The following SAP30 variants were observed in gnomAD, a reference collection of about 807,000 sequenced individuals.
SAP30 encodes the protein Sin3A associated protein 30.
Under a neutral mutation model 19.6 loss-of-function variants are expected in SAP30, and 13 were observed. That is an observed-to-expected ratio of 0.66 (90% CI 0.43 to 1.05). The LOEUF (loss-of-function observed/expected upper bound fraction) is 1.05. Ranked by LOEUF, SAP30 falls within the 50% of genes least tolerant of loss-of-function variation. The probability of loss-of-function intolerance (pLI) is 0.00; values close to 1 mark genes in which losing one functional copy is unlikely to be tolerated. For synonymous variants in SAP30, 108 were observed against 122.7 expected (o/e 0.88, Z 0.79); for missense variants, 257 against 292.1 (o/e 0.88, Z 0.88).
In SAP30 at chr4:173,377,293, A is replaced by T; in HGVS notation, c.629A>T (p.Lys210Ile). The T allele has an allele frequency of 1.2e-6, 2 of 1,608,794 alleles. No individual in the cohort carries two copies. Among genetic ancestry groups the T allele is most frequent in the Non-Finnish European group, 1.7e-6 (2 of 1,178,126 alleles). Residue 210 changes from lysine (K) to isoleucine (I), a missense_variant, in exon 4 of 4, where the codon AAA becomes ATA. By Grantham distance (102) the Lys-to-Ile change is moderately radical (BLOSUM62 -3). Transcript: ENST00000296504. ...FIYSVKNDKNKSDLKVDSGVH is the reference protein window; with the variant it reads ...FIYSVKNDKNISDLKVDSGVH ...TACTCAGTGAAGAATGACAAGAACA[A>T]ATCAGATCTCAAGGTTGATAGTGGT...
chr4:173,375,420 G>C (rs1739018306), intron 3 of SAP30, among the ~76,000 whole-genome samples: 1 of 152,072 alleles, frequency 6.6e-6, no homozygotes, highest in African/African-American at 2.4e-5. Context: ...AAAAGATCAA[G>C]TTCTTTTGGG....
Position 173,373,937 on chromosome 4 carries a change from A to C in SAP30, c.442-2A>C. Reference sequence around the variant, plus strand: ...TCATTTATACATGTTAATTTTTTCTAGGTTGATTTATACCAATTACAAGTA... The same window carrying C: ...TCATTTATACATGTTAATTTTTTCTCGGTTGATTTATACCAATTACAAGTA... On this transcript the variant is annotated splice_acceptor_variant, in intron 2 of 3. Transcript: ENST00000296504. LOFTEE classifies it high-confidence loss of function. 6.8e-7 allele frequency: 1 copy of C among 1,480,038 alleles called. No individual in the cohort carries two copies. Among genetic ancestry groups the C allele is most frequent in the Non-Finnish European group, 9.2e-7 (1 of 1,082,616 alleles). 91.7% of individuals were successfully genotyped at this position (1,480,038 alleles called of 1,614,324 possible). A position where few individuals can be genotyped will look rare whatever the true frequency, so the allele number is the denominator to read the frequency against.
At position 173,371,061 on chromosome 4, in the gene SAP30, G is replaced by A; in HGVS notation, c.-122G>A. On this transcript the variant is annotated 5_prime_UTR_variant, in exon 1 of 4. Transcript: ENST00000296504. This position sits in a 1 kb window ranked among gnomAD's most constrained non-coding sequence, Gnocchi z 6.4. The stretch of plus-strand genomic sequence containing the variant: ...GACCAGCAGGCCCGGGACAGTTGGT[G>A]TTTGGCCGTGCCGCTGTCTAACTTG... 1 of 1,184,806 alleles carries A rather than the reference G, an allele frequency of 8.4e-7. No individual in the cohort carries two copies. The highest frequency in any genetic ancestry group is 3.4e-5 in the Admixed American group (1 of 29,808). The allele number at this position is 1,184,806 out of a possible 1,614,324, so 73.4% of individuals were successfully genotyped here. A position where few individuals can be genotyped will look rare whatever the true frequency, so the allele number is the denominator to read the frequency against.
In SAP30 at chr4:173,371,238, TGGCCGCAGTGGTCGCTGCCGC is replaced by T; in HGVS notation, c.63_83del (p.Val22_Ala28del). On this transcript the variant is annotated inframe_deletion, in exon 1 of 4. Coordinates refer to ENST00000296504, the MANE Select transcript of SAP30 (RefSeq NM_003864.4). This position sits in a 1 kb window ranked among gnomAD's most constrained non-coding sequence, Gnocchi z 6.4. ...CGCGGCGGGGATGCGGCCGCCGCAGTGGCCGCAGTGGTCGCTGCCGCGGCCGCCGCCGCCTCGGCGGGGAAC... is the reference window on the plus strand; with the variant it reads ...CGCGGCGGGGATGCGGCCGCCGCAGTGGCCGCCGCCGCCTCGGCGGGGAAC... 1 of 1,356,884 alleles carries T rather than the reference TGGCCGCAGTGGTCGCTGCCGC, an allele frequency of 7.4e-7. No individual in the cohort carries two copies. 84.1% of individuals were successfully genotyped at this position (1,356,884 alleles called of 1,614,324 possible). A position where few individuals can be genotyped will look rare whatever the true frequency, so the allele number is the denominator to read the frequency against.
intron 3 of SAP30, among the ~76,000 whole-genome samples, chr4:173,375,113 C>T (rs1325346416): frequency 6.6e-6 from 1 of 151,150 alleles, no homozygotes; most frequent in Non-Finnish European, 1.5e-5. Context: ...GAGTTTGAGT[C>T]ACCATGGGCA....
chr4:173,374,694 TTAAC>T lies in SAP30; in HGVS notation c.540+658_540+661del, dbSNP rs369321216. Among the ~76,000 whole-genome samples, 277 of 152,322 alleles carry T rather than the reference TTAAC, an allele frequency of 1.8e-3. 1 individual carries two copies. The highest frequency in any genetic ancestry group is 6.4e-3 in the African/African-American group (266 of 41,580). On this transcript the variant is annotated intron_variant, in intron 3 of 3. Coordinates refer to ENST00000296504, the MANE Select transcript of SAP30 (RefSeq NM_003864.4). ...CCTAATTGAGGCATAATAAAATTAA[TTAAC>T]AAGCTTTAATGTCCTTATTAGAATT...
chr4:173,376,462 A>G (rs1405478537), intron 3 of SAP30, among the ~76,000 whole-genome samples: 1 of 152,212 alleles, frequency 6.6e-6, no homozygotes, highest in African/African-American at 2.4e-5. Context: ...AAAGTTTTCA[A>G]CTTCATACTT....
intron 3 of SAP30, among the ~76,000 whole-genome samples, chr4:173,375,199 G>A (rs1230935460): frequency 6.6e-6 from 1 of 151,786 alleles, no homozygotes. Context: ...ATATAAATCA[G>A]TTTTCTCATA....
At position 173,371,283 on chromosome 4, in the gene SAP30, A is replaced by ACGGGACCGGCGCGGGCAC; in HGVS notation, c.106_123dup (p.Thr36_Gly41dup). The ACGGGACCGGCGCGGGCAC allele has an allele frequency of 8.0e-7, 1 of 1,253,312 alleles. No individual in the cohort carries two copies. Among genetic ancestry groups the ACGGGACCGGCGCGGGCAC allele is most frequent in the Non-Finnish European group, 1.0e-6 (1 of 1,002,924 alleles). 77.6% of individuals were successfully genotyped at this position (1,253,312 alleles called of 1,614,324 possible). A position where few individuals can be genotyped will look rare whatever the true frequency, so the allele number is the denominator to read the frequency against. On this transcript the variant is annotated inframe_insertion, in exon 1 of 4. Transcript: ENST00000296504. The surrounding 1 kb of genome is among the most constrained non-coding windows in gnomAD (Gnocchi z 6.4). ...GCGGCCGCCGCCGCCTCGGCGGGGA[A>ACGGGACCGGCGCGGGCAC]CGGGACCGGCGCGGGCACCGGGGCT...
intron 2 of SAP30, 104 bp from the exon 3 acceptor site, chr4:173,373,835 G>A (rs1738992872): frequency 5.2e-6 from 2 of 383,072 alleles, no homozygotes. Context: ...GATTTTGGAA[G>A]TAAATTTTAT....
At position 173,371,374 on chromosome 4, in the gene SAP30, G is replaced by A. The variant is rs1451089264; in HGVS notation, c.192G>A (p.Gly64=). 1 of 1,544,088 alleles carries A rather than the reference G, an allele frequency of 6.5e-7. No homozygotes were observed. The highest frequency in any genetic ancestry group is 8.7e-7 in the Non-Finnish European group (1 of 1,155,398). ...GPPGAAGPGP[G]QLCCLREDGE... Reference sequence around the variant, plus strand: ...CGGGGGCGGCCGGGCCGGGCCCCGGGCAACTGTGCTGCCTGCGGGAGGATG... The same window carrying A: ...CGGGGGCGGCCGGGCCGGGCCCCGGACAACTGTGCTGCCTGCGGGAGGATG... The change falls in exon 1 of 4, where the codon GGG becomes GGA. Residue 64 remains glycine, a synonymous_variant. Coordinates refer to ENST00000296504, the MANE Select transcript of SAP30 (RefSeq NM_003864.4). The surrounding 1 kb of genome is among the most constrained non-coding windows in gnomAD (Gnocchi z 6.4).
chr4:173,376,167 A>G (rs543484174), intron 3 of SAP30, among the ~76,000 whole-genome samples: 1 of 152,290 alleles, frequency 6.6e-6, no homozygotes, highest in South Asian at 2.1e-4. Context: ...TTCTTAAGAA[A>G]TTTTATTTTC....
At chr4:173,373,255 A>C in intron 1 of SAP30, 135 bp from the exon 2 acceptor site, 5 of 678,336 alleles carry the variant, frequency 7.4e-6, no homozygotes, top group Non-Finnish European at 9.2e-6. Flanking sequence ...AAACGTATAA[A>C]TATTCCATTA....
Position 173,370,964 on chromosome 4 carries a change from G to A in SAP30, c.-219G>A. ...AAGTCCCCATGTGACAGTGAGCGGG[G>A]TCCCCGCTCCAGGAGACGCTCGAGT... On this transcript the variant is annotated 5_prime_UTR_variant, in exon 1 of 4. Coordinates refer to ENST00000296504, the MANE Select transcript of SAP30 (RefSeq NM_003864.4). The A allele has an allele frequency of 1.1e-5, 3 of 282,522 alleles. No homozygotes were observed. The highest frequency in any genetic ancestry group is 1.9e-5 in the Non-Finnish European group (3 of 160,692). The allele number at this position is 282,522 out of a possible 1,614,324, so 17.5% of individuals were successfully genotyped here. A position where few individuals can be genotyped will look rare whatever the true frequency, so the allele number is the denominator to read the frequency against.
At chr4:173,374,770 G>A (rs1197980596) in intron 3 of SAP30, among the ~76,000 whole-genome samples, 1 of 152,048 alleles carries the variant, frequency 6.6e-6, no homozygotes, top group Non-Finnish European at 1.5e-5. Context: ...ACCCTAAACA[G>A]TATTTTTATA....
In SAP30 at chr4:173,377,313, A is replaced by G. The variant is rs372261909; in HGVS notation, c.649A>G (p.Ser217Gly). The change falls in exon 4 of 4, where the codon AGT becomes GGT. Residue 217 changes from serine (S) to glycine (G), a missense_variant. Ser to Gly is a moderately conservative substitution (Grantham distance 56). Coordinates refer to ENST00000296504, the MANE Select transcript of SAP30 (RefSeq NM_003864.4). ...DKNKSDLKVD[S>G]GVH ...GAACAAATCAGATCTCAAGGTTGATAGTGGTGTTCACTAGGAGACGTGGAA... is the reference window on the plus strand; with the variant it reads ...GAACAAATCAGATCTCAAGGTTGATGGTGGTGTTCACTAGGAGACGTGGAA... The G allele has an allele frequency of 5.0e-5, 80 of 1,603,716 alleles. No homozygotes were observed. Among genetic ancestry groups the G allele is most frequent in the Admixed American group, 1.0e-4 (6 of 57,598 alleles).
intron 2 of SAP30, 26 bp downstream of exon 2, chr4:173,373,541 T>G: frequency 6.3e-7 from 1 of 1,586,160 alleles, no homozygotes; most frequent in East Asian, 2.3e-5. Flanking sequence ...TTATGCTTAA[T>G]GTAAATCCTA....
At chr4:173,372,384 G>T (rs1056869547) in intron 1 of SAP30, among the ~76,000 whole-genome samples, 3 of 152,166 alleles carry the variant, frequency 2.0e-5, no homozygotes, top group Admixed American at 6.5e-5. Context: ...TGTAATTAAA[G>T]TTTTTGAAAA....
intron 1 of SAP30, among the ~76,000 whole-genome samples, chr4:173,373,108 C>A (rs546751555): frequency 2.3e-4 from 35 of 152,248 alleles, no homozygotes; most frequent in Admixed American, 2.1e-3. Flanking sequence ...GATGACAAAA[C>A]CCAGAGGGTT....
Sources: allele counts gnomAD v4.1 joint callset (sites outside exome capture counted in the v4.1 genomes callset), GRCh38; gene constraint gnomAD v4.1.1; non-coding constraint Gnocchi (gnomAD v3.1); transcripts MANE v1.5; gene names NCBI Gene and HGNC (gene_info 2026-07-23, HGNC 2026-07-21).